The following ANO3 variants were observed in gnomAD, a reference collection of about 807,000 sequenced individuals.
ANO3 encodes the protein anoctamin-3.
ANO3 carries 99 observed loss-of-function variants against 144.8 expected under a neutral mutation model. The observed-to-expected ratio is 0.68, with a 90% CI of 0.58 to 0.81. ANO3 has a LOEUF of 0.81. ANO3 is among the 30% of genes least tolerant of loss of function. The pLI is 0.00. For synonymous variants in ANO3, 414 were observed against 392.6 expected (o/e 1.05, Z -0.64); for missense variants, 905 against 1,202.2 (o/e 0.75, Z 3.66).
intron 18 of ANO3, among the ~76,000 whole-genome samples, chr11:26,633,689 G>A (rs895874263): frequency 5.9e-5 from 9 of 152,236 alleles, no homozygotes; most frequent in Admixed American, 3.3e-4. Flanking sequence ...ATTATCTTAC[G>A]AAGTCCTTTC....
intron 1 of ANO3, among the ~76,000 whole-genome samples, chr11:26,388,120 ATTCT>A (rs985215826): frequency 3.6e-4 from 54 of 149,926 alleles, no homozygotes; most frequent in African/African-American, 1.2e-3. Flanking sequence ...TAACTTTTAG[ATTCT>A]TTATAATTTT....
At chr11:26,635,182 A>G in intron 20 of ANO3, 112 bp downstream of exon 20, 1 of 898,360 alleles carries the variant, frequency 1.1e-6, no homozygotes, top group Admixed American at 2.0e-5. Context: ...TGGATATTGA[A>G]GACGACACAT....
intron 24 of ANO3, among the ~76,000 whole-genome samples, chr11:26,653,121 C>T (rs1052736970): frequency 1.3e-5 from 2 of 152,134 alleles, no homozygotes; most frequent in African/African-American, 4.8e-5. Flanking sequence ...AATTCAGTTT[C>T]ATGGATCGAT....
intron 1 of ANO3, among the ~76,000 whole-genome samples, chr11:26,376,881 A>G (rs1447834148): frequency 6.6e-6 from 1 of 152,154 alleles, no homozygotes; most frequent in East Asian, 1.9e-4. Context: ...ATTTGTCCTT[A>G]TAGGAGCCAT....
In ANO3 at chr11:26,553,800, G is replaced by A. The variant is rs1312097819; in HGVS notation, c.1386+455G>A. Among the ~76,000 whole-genome samples, 3 of 152,040 alleles carry A rather than the reference G, an allele frequency of 2.0e-5. No homozygotes were observed. The East Asian group carries it at 5.8e-4, about 29-fold the overall frequency. On this transcript the variant is annotated intron_variant, in intron 13 of 26. Coordinates refer to ENST00000256737, the MANE Select transcript of ANO3 (RefSeq NM_031418.4). Reference sequence around the variant, plus strand: ...ACTCCTGAAGCTCAGATCAACCCCAGAACAATTAAATCAGAATCTTTGGGA... The same window carrying A: ...ACTCCTGAAGCTCAGATCAACCCCAAAACAATTAAATCAGAATCTTTGGGA...
intron 18 of ANO3, among the ~76,000 whole-genome samples, chr11:26,625,864 T>C (rs1204589381): frequency 6.6e-6 from 1 of 152,220 alleles, no homozygotes; most frequent in Non-Finnish European, 1.5e-5. Context: ...CTAAATCCTA[T>C]GTCTTATTCC....
intron 1 of ANO3, among the ~76,000 whole-genome samples, chr11:26,360,674 G>C (rs757076179): frequency 6.6e-5 from 10 of 152,182 alleles, no homozygotes; most frequent in Non-Finnish European, 1.5e-4. Flanking sequence ...GAACCGCTTA[G>C]TAAAGGTCTC....
At chr11:26,324,174 C>A (rs1456640447) in intron 1 of ANO3, among the ~76,000 whole-genome samples, 1 of 152,116 alleles carries the variant, frequency 6.6e-6, no homozygotes, top group Non-Finnish European at 1.5e-5. Context: ...AAGAGGCTAA[C>A]TGAAAAATGT....
At chr11:26,227,728 G>T (rs182382423) in intron 1 of ANO3, among the ~76,000 whole-genome samples, 8 of 152,074 alleles carry the variant, frequency 5.3e-5, no homozygotes, top group African/African-American at 1.9e-4. Flanking sequence ...CAATCACGTC[G>T]AATGCTTTCT....
intron 23 of ANO3, among the ~76,000 whole-genome samples, chr11:26,646,153 T>C (rs924515033): frequency 1.2e-4 from 19 of 152,150 alleles, no homozygotes; most frequent in African/African-American, 4.3e-4. Flanking sequence ...AAAAATATAT[T>C]TGTACACATA....
intron 3 of ANO3, among the ~76,000 whole-genome samples, chr11:26,451,154 C>T (rs538285361): frequency 2.2e-4 from 34 of 152,244 alleles, no homozygotes; most frequent in Admixed American, 4.6e-4. Flanking sequence ...CCAGCCTGAG[C>T]GACGCAGAAG....
chr11:26,556,470 A>T (rs1004354578), intron 13 of ANO3, among the ~76,000 whole-genome samples: 3 of 152,132 alleles, frequency 2.0e-5, no homozygotes, highest in African/African-American at 7.2e-5. Context: ...CATGAAAAAA[A>T]AAAAGGAGTC....
At chr11:26,353,575 C>A (rs1855702202) in intron 1 of ANO3, among the ~76,000 whole-genome samples, 1 of 152,022 alleles carries the variant, frequency 6.6e-6, no homozygotes, top group Non-Finnish European at 1.5e-5. Flanking sequence ...CCCTTCGTTC[C>A]TTCCTTTCTT....
rs1851747502 is a variant in ANO3 at position 26,203,974 on chromosome 11, G to A, written c.154+14644G>A. ...CTTTCTCTCACAGTTTTTACAACAT[G>A]TGGATTATTCCAGAGCTGGTAGAGG... On this transcript the variant is annotated intron_variant, in intron 1 of 27. Transcript: ENST00000672621. 5.3e-5 allele frequency among the ~76,000 whole-genome samples: 8 copies of A among 152,122 alleles called. No homozygotes were observed. The South Asian group carries it at 1.7e-3, about 31-fold the overall frequency.
chr11:26,574,267 A>G (rs1403296489), intron 14 of ANO3, among the ~76,000 whole-genome samples: 1 of 152,240 alleles, frequency 6.6e-6, no homozygotes, highest in Admixed American at 6.5e-5. Flanking sequence ...GAGTTTCCAG[A>G]ACACGAAGAC....
At chr11:26,422,976 A>G (rs550675749) in intron 1 of ANO3, among the ~76,000 whole-genome samples, 1 of 152,156 alleles carries the variant, frequency 6.6e-6, no homozygotes, top group African/African-American at 2.4e-5. Flanking sequence ...AAAATGAAAA[A>G]GCACCGCATT....
chr11:26,599,151 A>G (rs995044294), intron 16 of ANO3, among the ~76,000 whole-genome samples, 153 bp downstream of exon 16: 12 of 152,206 alleles, frequency 7.9e-5, no homozygotes, highest in African/African-American at 2.9e-4. Context: ...ACAAATCACA[A>G]CAGGTTATGG....
intron 1 of ANO3, among the ~76,000 whole-genome samples, chr11:26,367,136 C>T (rs1336580184): frequency 6.6e-6 from 1 of 152,136 alleles, no homozygotes; most frequent in Non-Finnish European, 1.5e-5. Flanking sequence ...AAATGTTAGA[C>T]CTAAAACCAT....
intron 1 of ANO3, among the ~76,000 whole-genome samples, chr11:26,235,595 T>A (rs1020761613): frequency 1.0e-4 from 5 of 49,078 alleles, no homozygotes; most frequent in Non-Finnish European, 1.5e-4. Flanking sequence ...CAATGTATAC[T>A]TTTTTTTTTT....
Sources: allele counts gnomAD v4.1 joint callset (sites outside exome capture counted in the v4.1 genomes callset), GRCh38; gene constraint gnomAD v4.1.1; transcripts MANE v1.5; gene names NCBI Gene and HGNC (gene_info 2026-07-23, HGNC 2026-07-21).